Variants in PSD2 observed in about 807,000 individuals in gnomAD.
PSD2 encodes the protein PH and SEC7 domain-containing protein 2.
In PSD2, 38 loss-of-function variants were observed where a neutral mutation model predicts 69.8. The observed-to-expected ratio is 0.54, with a 90% confidence interval of 0.42 to 0.71. PSD2 has a LOEUF of 0.71. PSD2 is among the 30% of genes least tolerant of loss of function. The probability of loss-of-function intolerance (pLI) is 0.00; values close to 1 mark genes in which losing one functional copy is unlikely to be tolerated. For missense variants in PSD2, 943 were observed against 1,014.5 expected (o/e 0.93, Z 0.96); for synonymous variants, 412 against 423.0 (o/e 0.97, Z 0.32).
At chr5:139,811,596 G>C (rs896832043) in intron 2 of PSD2, among the ~76,000 whole-genome samples, 2 of 151,956 alleles carry the variant, frequency 1.3e-5, no homozygotes, top group Non-Finnish European at 1.5e-5. Context: ...TGTCTGTCTA[G>C]CTCTTTTTTT....
chr5:139,831,370 A>G (rs929894626), intron 7 of PSD2, among the ~76,000 whole-genome samples: 20 of 152,208 alleles, frequency 1.3e-4, no homozygotes, highest in African/African-American at 4.8e-4. Context: ...TTTGGTAATA[A>G]TGTTAATTTG....
chr5:139,762,067 G>A, the PSD2 span, among the ~76,000 whole-genome samples: 18 of 151,760 alleles, frequency 1.2e-4, no homozygotes, highest in African/African-American at 2.7e-4. Flanking sequence ...TTTTTGAGAC[G>A]GAGTCTTGCT....
chr5:139,807,820 A>G (rs572110461), intron 1 of PSD2, among the ~76,000 whole-genome samples: 1 of 152,040 alleles, frequency 6.6e-6, no homozygotes, highest in Non-Finnish European at 1.5e-5. Flanking sequence ...TCTAAGTGAG[A>G]CTTTTCTTCT....
intron 5 of PSD2, among the ~76,000 whole-genome samples, chr5:139,819,767 T>G (rs933779193): frequency 1.3e-5 from 2 of 152,212 alleles, no homozygotes; most frequent in African/African-American, 4.8e-5. Flanking sequence ...GGCTACTGTA[T>G]CCTGAGCTGA....
chr5:139,843,125 A>C lies in PSD2; in HGVS notation c.*651A>C, dbSNP rs957209017. 6.5e-6 allele frequency: 1 copy of C among 152,752 alleles called. No homozygotes were observed. Among genetic ancestry groups the C allele is most frequent in the Admixed American group, 6.5e-5 (1 of 15,286 alleles). The allele number at this position is 152,752 out of a possible 1,614,324, so 9.5% of individuals were successfully genotyped here. Reference sequence around the variant, plus strand: ...ACAGACACAAATATACATCTATAAGAATAATATATACATAAGGAACCCCTG... The same window carrying C: ...ACAGACACAAATATACATCTATAAGCATAATATATACATAAGGAACCCCTG... On this transcript the variant is annotated 3_prime_UTR_variant, in exon 15 of 15. Transcript: ENST00000274710.
chr5:139,762,011 CAGAT>C, the PSD2 span, among the ~76,000 whole-genome samples: 1 of 152,158 alleles, frequency 6.6e-6, no homozygotes, highest in Non-Finnish European at 1.5e-5. Flanking sequence ...TAATGCCTGA[CAGAT>C]AGTAAGCATT....
the PSD2 span, among the ~76,000 whole-genome samples, chr5:139,781,657 G>A: frequency 6.8e-6 from 1 of 146,464 alleles, no homozygotes; most frequent in African/African-American, 2.5e-5. Flanking sequence ...ATTTTGAGAT[G>A]GACTCTCACT....
At chr5:139,815,004 C>T (rs549859069) in intron 4 of PSD2, among the ~76,000 whole-genome samples, 24 of 152,128 alleles carry the variant, frequency 1.6e-4, no homozygotes, top group African/African-American at 4.8e-4. Context: ...CAGATTGCCT[C>T]CCAACGTCCG....
chr5:139,799,368 G>A (rs1432414398), intron 1 of PSD2, among the ~76,000 whole-genome samples: 3 of 152,186 alleles, frequency 2.0e-5, no homozygotes, highest in Non-Finnish European at 4.4e-5. Flanking sequence ...TTGGGAGTGG[G>A]GGAGCCACAA....
the PSD2 span, among the ~76,000 whole-genome samples, chr5:139,778,454 T>A: frequency 1.3e-5 from 2 of 152,206 alleles, no homozygotes; most frequent in African/African-American, 4.8e-5. Flanking sequence ...CAAATATTTG[T>A]GATGCATCAT....
At chr5:139,784,759 C>T in the PSD2 span, among the ~76,000 whole-genome samples, 1 of 151,996 alleles carries the variant, frequency 6.6e-6, no homozygotes, top group Non-Finnish European at 1.5e-5. Flanking sequence ...GACAAATTCC[C>T]CCCCTTTTTT....
At chr5:139,826,825 G>A (rs1437319554) in intron 7 of PSD2, among the ~76,000 whole-genome samples, 1 of 152,160 alleles carries the variant, frequency 6.6e-6, no homozygotes, top group East Asian at 1.9e-4. Context: ...CTCATCCCAA[G>A]CCTGGCTTCC....
chr5:139,814,206 C>T lies in PSD2; in HGVS notation c.858C>T (p.Asp286=). 2 of 1,613,884 alleles carry T rather than the reference C, an allele frequency of 1.2e-6. No individual in the cohort carries two copies. The highest frequency in any genetic ancestry group is 1.7e-6 in the Non-Finnish European group (2 of 1,179,886). ...TGAAGGATGGCCTGTCAGACTCAGACTCTGAGCTCAGCAGCTCGGAGGGGT... is the reference window on the plus strand; with the variant it reads ...TGAAGGATGGCCTGTCAGACTCAGATTCTGAGCTCAGCAGCTCGGAGGGGT... ...PSLKDGLSDS[D]SELSSSEGLE... The change falls in exon 4 of 15, where the codon GAC becomes GAT. Residue 286 remains aspartate, a synonymous_variant. Coordinates refer to ENST00000274710, the MANE Select transcript of PSD2 (RefSeq NM_032289.4). The surrounding 1 kb of genome is among the most constrained non-coding windows in gnomAD (Gnocchi z 4.4).
At position 139,836,930 on chromosome 5, in the gene PSD2, C is replaced by T. The variant is rs768646630; in HGVS notation, c.1523C>T (p.Ala508Val). 98 of 1,614,022 alleles carry T rather than the reference C, an allele frequency of 6.1e-5. 1 individual carries two copies. Among genetic ancestry groups the T allele is most frequent in the Non-Finnish European group, 7.3e-5 (86 of 1,180,044 alleles). ...GGNPFLDVPQ[A>V]LSATTYKHGV... ...AACCCCTTCCTGGATGTCCCACAGG[C>T]GCTCAGTGCCACCACCTACAAGCAC... is the stretch of plus-strand genomic sequence containing the variant. Residue 508 changes from alanine to valine, a missense_variant, in exon 10 of 15, where the codon GCG becomes GTG. Ala to Val is a moderately conservative substitution (Grantham distance 64). Coordinates refer to ENST00000274710, the MANE Select transcript of PSD2 (RefSeq NM_032289.4).
At position 139,801,681 on chromosome 5, in the gene PSD2, A is replaced by C. The variant is rs149534598; in HGVS notation, c.-51+5706A>C. Among the ~76,000 whole-genome samples the C allele has an allele frequency of 1.3e-3, 196 of 152,196 alleles. 3 individuals carry two copies. The East Asian group carries it at 0.036, about 28-fold the overall frequency. ...TGCCAGCCCCCAAATTTAAATCCCA[A>C]GTCTCAACCTCTCACCCGACTCCAG... On this transcript the variant is annotated intron_variant, in intron 1 of 14. Coordinates refer to ENST00000274710, the MANE Select transcript of PSD2 (RefSeq NM_032289.4).
Position 139,838,735 on chromosome 5 carries a change from G to A in PSD2, c.1931G>A (p.Arg644Gln), listed in dbSNP as rs948071269. ...AAVSSMKKFC[R>Q]PLLPSCTTRL... ...GTCAGCTCCATGAAGAAGTTCTGTC[G>A]GCCCCTGCTGCCCTCCTGCACCACC... is the stretch of plus-strand genomic sequence containing the variant. The change falls in exon 13 of 15, where the codon CGG becomes CAG. Residue 644 changes from arginine (R) to glutamine (Q), a missense_variant. Arg to Gln is a conservative substitution (Grantham distance 43). Transcript: ENST00000274710. 2.4e-5 allele frequency: 39 copies of A among 1,613,498 alleles called. No homozygotes were observed. Among genetic ancestry groups the A allele is most frequent in the Middle Eastern group, 1.7e-4 (1 of 5,818 alleles).
At position 139,844,098 on chromosome 5, in the gene PSD2, A is replaced by G. The variant is rs1292298464; in HGVS notation, c.*1624A>G. The stretch of plus-strand genomic sequence containing the variant: ...CCCCTTCGTTTTGCTCAGAGGAAGT[A>G]AATGTTCACTTAAATGAAATTGAAA... On this transcript the variant is annotated 3_prime_UTR_variant, in exon 15 of 15. Coordinates refer to ENST00000274710, the MANE Select transcript of PSD2 (RefSeq NM_032289.4). 1 of 152,242 alleles carries G rather than the reference A, an allele frequency of 6.6e-6. No homozygotes were observed. The highest frequency in any genetic ancestry group is 1.5e-5 in the Non-Finnish European group (1 of 68,042). 9.4% of individuals were successfully genotyped at this position (152,242 alleles called of 1,614,324 possible). A position where few individuals can be genotyped will look rare whatever the true frequency, so the allele number is the denominator to read the frequency against.
the PSD2 span, among the ~76,000 whole-genome samples, chr5:139,770,004 C>T: frequency 5.9e-5 from 9 of 152,290 alleles, no homozygotes; most frequent in African/African-American, 1.2e-4. Flanking sequence ...GTGGAGCATG[C>T]GGTACACAGA....
chr5:139,789,493 G>A, the PSD2 span, among the ~76,000 whole-genome samples: 1 of 152,180 alleles, frequency 6.6e-6, no homozygotes, highest in African/African-American at 2.4e-5. Flanking sequence ...AGGAAGGATC[G>A]CTAGAGCCTG....
Sources: gnomAD v4.1 joint callset for allele counts (sites outside exome capture counted in the v4.1 genomes callset) on GRCh38, gnomAD v4.1.1 for gene constraint, Gnocchi (gnomAD v3.1) non-coding constraint, MANE v1.5 for transcripts, NCBI Gene and HGNC (gene_info 2026-07-23, HGNC 2026-07-21) for gene names.